Variants in FSHR observed in about 807,000 individuals in gnomAD.
FSHR encodes the protein follicle-stimulating hormone receptor.
In FSHR, 46 loss-of-function variants were observed where a neutral mutation model predicts 52.1. The ratio of observed to expected loss-of-function variants is 0.88; its 90% CI spans 0.70 to 1.13. The LOEUF (loss-of-function observed/expected upper bound fraction) is 1.13. Among genes scored for constraint, FSHR ranks in the 50% most tolerant of loss-of-function variants. The pLI is 0.00. For missense variants in FSHR, 964 were observed against 834.6 expected (o/e 1.16, Z -1.91); for synonymous variants, 399 against 309.6 (o/e 1.29, Z -3.03).
chr2:49,023,930 T>A (rs1014535108), intron 2 of FSHR, among the ~76,000 whole-genome samples: 1 of 152,074 alleles, frequency 6.6e-6, no homozygotes, highest in Non-Finnish European at 1.5e-5. Flanking sequence ...TACAAGTACA[T>A]TTGATGGAGG....
intron 4 of FSHR, among the ~76,000 whole-genome samples, chr2:48,991,081 A>AC (rs1377700742): frequency 6.6e-6 from 1 of 152,026 alleles, no homozygotes; most frequent in Non-Finnish European, 1.5e-5. Flanking sequence ...TATGTATGTG[A>AC]CCTAAGCTGG....
chr2:48,982,775 T>G, intron 8 of FSHR, 137 bp downstream of exon 8: 1 of 761,838 alleles, frequency 1.3e-6, no homozygotes, highest in Non-Finnish European at 2.4e-6. Flanking sequence ...TCTCTATAAA[T>G]TTTTGCAGAT....
chr2:49,145,330 T>C (rs1672831598), intron 1 of FSHR, among the ~76,000 whole-genome samples: 1 of 152,128 alleles, frequency 6.6e-6, no homozygotes, highest in Non-Finnish European at 1.5e-5. Flanking sequence ...TATCATTAAT[T>C]TGCTGATTGT....
chr2:49,143,837 T>C (rs988761939), intron 1 of FSHR, among the ~76,000 whole-genome samples: 8 of 152,120 alleles, frequency 5.3e-5, no homozygotes, highest in African/African-American at 1.9e-4. Context: ...CAAAGTGATT[T>C]ATACTGCACC....
chr2:49,025,309 T>G (rs1667879211), intron 2 of FSHR, among the ~76,000 whole-genome samples: 2 of 152,176 alleles, frequency 1.3e-5, no homozygotes, highest in Non-Finnish European at 2.9e-5. Context: ...AAATGGATCC[T>G]TGGTTCATCA....
At chr2:49,030,308 G>GTC (rs1411917734) in intron 2 of FSHR, among the ~76,000 whole-genome samples, 1 of 138,296 alleles carries the variant, frequency 7.2e-6, no homozygotes, top group Admixed American at 7.8e-5. Flanking sequence ...GTGTGTGTGT[G>GTC]TGTGTGTTAT....
chr2:49,068,241 C>T lies in FSHR; in HGVS notation c.202G>A (p.Gly68Arg), dbSNP rs1669585703. Residue 68 changes from glycine (G) to arginine (R), a missense_variant, in exon 2 of 10, where the codon GGA (glycine) becomes AGA (arginine). Coordinates refer to ENST00000406846, the MANE Select transcript of FSHR (RefSeq NM_000145.4). ...LRVIQKGAFSGFGDLEKIEIS... is the reference protein window; with the variant it reads ...LRVIQKGAFSRFGDLEKIEIS... Reference sequence around the variant, plus strand: ...TACATTTTCTCCAGGTCCCCAAATCCTGAAAATGCACCTTTTTGGATGACT... The same window carrying T: ...TACATTTTCTCCAGGTCCCCAAATCTTGAAAATGCACCTTTTTGGATGACT... 1 of 1,611,038 alleles carries T rather than the reference C, an allele frequency of 6.2e-7. No homozygotes were observed. The highest frequency in any genetic ancestry group is 8.5e-7 in the Non-Finnish European group (1 of 1,178,580).
rs144938603 is a variant in FSHR, at chr2:49,031,210, A to G, written c.225-11050T>C. 2.2e-3 allele frequency among the ~76,000 whole-genome samples: 341 copies of G among 152,294 alleles called. 1 individual carries two copies. Among genetic ancestry groups the G allele is most frequent in the African/African-American group, 8.0e-3 (333 of 41,566 alleles). ...CTGGCTCTGTGCGGAGGGAGAAGAG[A>G]AACCAGATCTCATTCCTCATGTTAG... On this transcript the variant is annotated intron_variant, in intron 2 of 9. Coordinates refer to ENST00000406846, the MANE Select transcript of FSHR (RefSeq NM_000145.4).
intron 1 of FSHR, among the ~76,000 whole-genome samples, chr2:49,131,532 G>C (rs556007258): frequency 6.6e-6 from 1 of 152,090 alleles, no homozygotes; most frequent in African/African-American, 2.4e-5. Flanking sequence ...TTGAGAAGCC[G>C]TTTATTTTAC....
At chr2:49,036,668 C>T (rs1668282180) in intron 2 of FSHR, among the ~76,000 whole-genome samples, 1 of 152,070 alleles carries the variant, frequency 6.6e-6, no homozygotes, top group African/African-American at 2.4e-5. Context: ...CATCAGGCAG[C>T]CCCAGTTTGT....
chr2:49,144,068 T>C (rs968880362), intron 1 of FSHR, among the ~76,000 whole-genome samples: 3 of 152,074 alleles, frequency 2.0e-5, no homozygotes, highest in African/African-American at 4.8e-5. Context: ...TTTTTGGACT[T>C]GAGGATGCCA....
intron 1 of FSHR, among the ~76,000 whole-genome samples, chr2:49,129,777 T>A (rs1318141725): frequency 2.6e-5 from 4 of 152,224 alleles, no homozygotes. Flanking sequence ...AGTATTCTCA[T>A]AAATTAGAAT....
At chr2:49,013,469 T>TATATATAAATAAATATATATATATAA (rs1667353494) in intron 4 of FSHR, among the ~76,000 whole-genome samples, 2 of 129,534 alleles carry the variant, frequency 1.5e-5, no homozygotes, top group South Asian at 4.9e-4. Flanking sequence ...TATAAATATA[T>TATATATAAATAAATATATATATATAA]ATATATATAT....
chr2:49,141,674 A>G (rs1672692210), intron 1 of FSHR, among the ~76,000 whole-genome samples: 1 of 152,182 alleles, frequency 6.6e-6, no homozygotes, highest in Non-Finnish European at 1.5e-5. Context: ...AGAAGAGTGC[A>G]GTGCTAATCT....
At chr2:49,082,838 G>T (rs1047036027) in intron 1 of FSHR, among the ~76,000 whole-genome samples, 2 of 152,114 alleles carry the variant, frequency 1.3e-5, no homozygotes, top group African/African-American at 4.8e-5. Context: ...AGAAATATGG[G>T]ACTATGTGAA....
At chr2:49,055,312 G>C (rs1462590291) in intron 2 of FSHR, among the ~76,000 whole-genome samples, 1 of 151,012 alleles carries the variant, frequency 6.6e-6, no homozygotes, top group Non-Finnish European at 1.5e-5. Context: ...CTTGAAGACA[G>C]GTCTTTTGAA....
chr2:49,088,769 A>G (rs1269303501), intron 1 of FSHR, among the ~76,000 whole-genome samples: 4 of 152,198 alleles, frequency 2.6e-5, no homozygotes, highest in Admixed American at 1.3e-4. Flanking sequence ...TTCCTTTTAG[A>G]GTCCATGAAC....
At chr2:49,016,719 T>C (rs1430856495) in intron 4 of FSHR, among the ~76,000 whole-genome samples, 1 of 152,204 alleles carries the variant, frequency 6.6e-6, no homozygotes, top group African/African-American at 2.4e-5. Context: ...CCTCTATCTT[T>C]GTGTAGTGGT....
At chr2:49,100,233 A>G (rs1025985411) in intron 1 of FSHR, among the ~76,000 whole-genome samples, 3 of 152,148 alleles carry the variant, frequency 2.0e-5, no homozygotes. Flanking sequence ...ATTCAGTTCT[A>G]GGAACATGCT....
Sources: gnomAD v4.1 joint callset for allele counts (sites outside exome capture counted in the v4.1 genomes callset) on GRCh38, gnomAD v4.1.1 for gene constraint, MANE v1.5 for transcripts, NCBI Gene and HGNC (gene_info 2026-07-23, HGNC 2026-07-21) for gene names.